TSPAN18: variants seen among roughly 807,000 people sequenced by gnomAD.
TSPAN18 encodes tetraspanin-18.
TSPAN18 carries 14 observed loss-of-function variants against 27.3 expected under a neutral mutation model. The observed-to-expected ratio is 0.51, with a 90% CI of 0.34 to 0.80. The LOEUF (loss-of-function observed/expected upper bound fraction) is 0.80, where lower values mean the gene tolerates loss of function less well. Among genes scored for constraint, TSPAN18 ranks in the 30% least tolerant of loss-of-function variants. The probability of loss-of-function intolerance (pLI) is 0.01; values close to 1 mark genes in which losing one functional copy is unlikely to be tolerated. For missense variants in TSPAN18, 268 were observed against 323.9 expected, an observed-to-expected ratio of 0.83 and a Z score of 1.32; for synonymous variants, 143 against 136.5, an observed-to-expected ratio of 1.05 and a Z score of -0.33.
intron 2 of TSPAN18, among the ~76,000 whole-genome samples, chr11:44,820,659 G>T (rs1178588279): frequency 2.6e-5 from 4 of 152,044 alleles, no homozygotes; most frequent in Admixed American, 6.6e-5. Flanking sequence ...TTGGATATTT[G>T]TCCCCCCGCC....
At chr11:44,887,933 C>T (rs1244497786) in intron 3 of TSPAN18, among the ~76,000 whole-genome samples, 2 of 152,180 alleles carry the variant, frequency 1.3e-5, no homozygotes, top group South Asian at 2.1e-4. Context: ...GTCCCAGCAA[C>T]AGCCCTGCAT....
chr11:44,804,902 C>T (rs958964126), intron 2 of TSPAN18, among the ~76,000 whole-genome samples: 2 of 152,204 alleles, frequency 1.3e-5, no homozygotes, highest in Non-Finnish European at 2.9e-5. Flanking sequence ...AAAAACAGAA[C>T]AGGCTGTTTA....
At chr11:44,776,117 T>C (rs1008877018) in intron 2 of TSPAN18, among the ~76,000 whole-genome samples, 6 of 152,250 alleles carry the variant, frequency 3.9e-5, no homozygotes, top group Non-Finnish European at 8.8e-5. Context: ...GGCCCAGTTA[T>C]TGGGCTTTAC....
chr11:44,929,200 A>C lies in TSPAN18; in HGVS notation c.*22A>C. On this transcript the variant is annotated 3_prime_UTR_variant, in exon 10 of 10. Transcript: ENST00000520358. ...GTAGAGGGTATGGCCTGAAGCCTGA[A>C]GACTCGCCCCACCCACCACTGCCCA... 4 of 1,613,294 alleles carry C rather than the reference A, an allele frequency of 2.5e-6. No homozygotes were observed. Among genetic ancestry groups the C allele is most frequent in the Non-Finnish European group, 3.4e-6 (4 of 1,179,970 alleles).
intron 1 of TSPAN18, among the ~76,000 whole-genome samples, chr11:44,743,625 C>T (rs1228118204): frequency 1.3e-5 from 2 of 152,336 alleles, no homozygotes; most frequent in East Asian, 1.9e-4. Context: ...TAGGAAATCT[C>T]CAGCTTTCAA....
chr11:44,783,033 T>C (rs938189555), intron 2 of TSPAN18, among the ~76,000 whole-genome samples: 1 of 152,182 alleles, frequency 6.6e-6, no homozygotes, highest in African/African-American at 2.4e-5. Flanking sequence ...TTTACCATGT[T>C]GGCCAGGCTG....
chr11:44,899,109 C>T (rs1003113474), intron 3 of TSPAN18, among the ~76,000 whole-genome samples: 7 of 152,220 alleles, frequency 4.6e-5, no homozygotes, highest in African/African-American at 1.4e-4. Flanking sequence ...ACCTAAACTG[C>T]TCTCCAGTGC....
chr11:44,895,053 A>AG (rs1858994029), intron 3 of TSPAN18, among the ~76,000 whole-genome samples: 1 of 152,228 alleles, frequency 6.6e-6, no homozygotes, highest in African/African-American at 2.4e-5. Context: ...CTCCTAGGTA[A>AG]GGATTAAATA....
intron 7 of TSPAN18, chr11:44,919,581 G>A (rs1361039760): frequency 4.9e-6 from 3 of 608,698 alleles, no homozygotes; most frequent in African/African-American, 3.7e-5. Flanking sequence ...GTTTATGGAT[G>A]GCTAAGCGCC....
intron 2 of TSPAN18, among the ~76,000 whole-genome samples, chr11:44,850,634 T>C (rs1294371224): frequency 2.0e-5 from 3 of 152,184 alleles, no homozygotes; most frequent in African/African-American, 7.2e-5. Flanking sequence ...CATCTTCTCA[T>C]TGAACTCTGC....
At chr11:44,820,426 A>G (rs1450741701) in intron 2 of TSPAN18, among the ~76,000 whole-genome samples, 1 of 152,182 alleles carries the variant, frequency 6.6e-6, no homozygotes, top group Admixed American at 6.5e-5. Flanking sequence ...CATATGGTGC[A>G]CTGTCCACTT....
chr11:44,833,772 C>T (rs1206593749), intron 2 of TSPAN18, among the ~76,000 whole-genome samples: 1 of 151,850 alleles, frequency 6.6e-6, no homozygotes, highest in African/African-American at 2.4e-5. Context: ...GATAGACACC[C>T]CACCTGGGCC....
intron 3 of TSPAN18, among the ~76,000 whole-genome samples, chr11:44,896,206 G>A (rs988287438): frequency 1.3e-5 from 2 of 152,034 alleles, no homozygotes; most frequent in Non-Finnish European, 1.5e-5. Context: ...ACCTGTGGTA[G>A]CCTGCCTCGT....
At chr11:44,878,907 T>G (rs1325371257) in intron 3 of TSPAN18, among the ~76,000 whole-genome samples, 2 of 151,964 alleles carry the variant, frequency 1.3e-5, no homozygotes, top group Admixed American at 1.3e-4. Context: ...GTGTGTGATG[T>G]TGGGCAACCC....
At chr11:44,757,765 A>G (rs1268896987) in intron 1 of TSPAN18, among the ~76,000 whole-genome samples, 3 of 152,162 alleles carry the variant, frequency 2.0e-5, no homozygotes, top group Admixed American at 6.5e-5. Context: ...GACCATTTGT[A>G]TATCATCTTT....
At position 44,812,399 on chromosome 11, in the gene TSPAN18, G is replaced by A. The variant is rs1856737257; in HGVS notation, c.-153+47887G>A. Among the ~76,000 whole-genome samples, 3 of 152,204 alleles carry A rather than the reference G, an allele frequency of 2.0e-5. No individual in the cohort carries two copies. The South Asian group carries it at 6.2e-4, about 32-fold the overall frequency. On this transcript the variant is annotated intron_variant, in intron 2 of 9. Transcript: ENST00000520358. ...GCCCTTTCCCTCCTTCCTTCCTGCT[G>A]TGTGTATGATGTAGGACCTTCTTGT...
intron 3 of TSPAN18, among the ~76,000 whole-genome samples, chr11:44,887,453 A>T (rs1358095195): frequency 2.0e-5 from 3 of 152,194 alleles, no homozygotes; most frequent in Non-Finnish European, 4.4e-5. Flanking sequence ...CTCTGACCCC[A>T]GTGTTCTCAG....
intron 3 of TSPAN18, among the ~76,000 whole-genome samples, chr11:44,866,617 C>A (rs1364253501): frequency 6.6e-6 from 1 of 152,226 alleles, no homozygotes; most frequent in Non-Finnish European, 1.5e-5. Context: ...AAAGCCTGAT[C>A]ACCTCTTGGA....
chr11:44,826,397 C>G (rs1857044042), intron 2 of TSPAN18, among the ~76,000 whole-genome samples: 1 of 152,202 alleles, frequency 6.6e-6, no homozygotes, highest in African/African-American at 2.4e-5. Flanking sequence ...GCACTCCAGC[C>G]TGGGCAACAA....
Sources: allele counts gnomAD v4.1 joint callset (sites outside exome capture counted in the v4.1 genomes callset), GRCh38; gene constraint gnomAD v4.1.1; transcripts MANE v1.5; gene names NCBI Gene and HGNC (gene_info 2026-07-23, HGNC 2026-07-21).